NUP133: variants seen among roughly 807,000 people sequenced by gnomAD.
The protein encoded by NUP133 is nuclear pore complex protein Nup133.
In NUP133, 66 loss-of-function variants were observed where a neutral mutation model predicts 146.2. The ratio of observed to expected loss-of-function variants is 0.45; its 90% CI spans 0.37 to 0.55. The LOEUF is 0.55. Ranked by LOEUF, NUP133 falls within the 20% of genes least tolerant of loss-of-function variation. The probability of loss-of-function intolerance (pLI) is 0.00; values close to 1 mark genes in which losing one functional copy is unlikely to be tolerated. For synonymous variants in NUP133, 521 were observed against 498.8 expected, an observed-to-expected ratio of 1.04 and a Z score of -0.59; for missense variants, 1,277 against 1,374.8, an observed-to-expected ratio of 0.93 and a Z score of 1.12.
intron 21 of NUP133, among the ~76,000 whole-genome samples, chr1:229,453,804 G>A (rs1360913965): frequency 6.6e-6 from 1 of 152,200 alleles, no homozygotes; most frequent in African/African-American, 2.4e-5. Context: ...TGTGAGGTCT[G>A]TGTTTGTGTG....
intron 12 of NUP133, 36 bp from the exon 13 acceptor site, chr1:229,477,796 G>A (rs753742565): frequency 3.3e-6 from 5 of 1,519,246 alleles, no homozygotes; most frequent in Middle Eastern, 1.9e-4. Context: ...TATTAAGGGA[G>A]GCAAAATATT....
At chr1:229,465,254 T>TAAGAGCAAGGGACG (rs1263171835) in intron 17 of NUP133, among the ~76,000 whole-genome samples, 166 bp downstream of exon 17, 1 of 152,170 alleles carries the variant, frequency 6.6e-6, no homozygotes, top group East Asian at 1.9e-4. Flanking sequence ...GATCGATAAA[T>TAAGAGCAAGGGACG]AAGAGCAAGG....
intron 5 of NUP133, chr1:229,499,133 C>T: frequency 2.2e-6 from 1 of 464,910 alleles, no homozygotes. Context: ...CTCCTGGCCT[C>T]AGGCAATCCT....
rs150265669 is a variant in NUP133, at chr1:229,475,998, C to G, written c.1757-266G>C. On this transcript the variant is annotated intron_variant, in intron 13 of 25. Coordinates refer to ENST00000261396, the MANE Select transcript of NUP133 (RefSeq NM_018230.3). ...TGGCGCATGCCTGTAGTCCCAGCTA[C>G]TCAGGAGGCTGAGGCAAGAGAATTG... is the stretch of plus-strand genomic sequence containing the variant. Among the ~76,000 whole-genome samples the G allele has an allele frequency of 1.2e-3, 176 of 152,174 alleles. 1 individual carries two copies. The highest frequency in any genetic ancestry group is 4.1e-3 in the African/African-American group (171 of 41,508).
chr1:229,486,394 A>C lies in NUP133; in HGVS notation c.1477T>G (p.Ser493Ala). ...ACCTCACTGTTTGGTCCAGCAACTG[A>C]AGATGCTAAAGACCCTTCCAAGTCT... is the stretch of plus-strand genomic sequence containing the variant. ...AEDLEGSLASSVAGPNSESMI... is the reference protein window; with the variant it reads ...AEDLEGSLASAVAGPNSESMI... Residue 493 changes from serine to alanine, a missense_variant, in exon 11 of 26, where the codon TCA becomes GCA. Transcript: ENST00000261396. 1.3e-6 allele frequency: 2 copies of C among 1,591,392 alleles called. No homozygotes were observed. Among genetic ancestry groups the C allele is most frequent in the African/African-American group, 1.4e-5 (1 of 70,594 alleles).
At chr1:229,499,043 C>T in intron 5 of NUP133, 1 of 386,058 alleles carries the variant, frequency 2.6e-6, no homozygotes, top group East Asian at 7.2e-5. Context: ...GGACTACAGG[C>T]ACACACCACT....
chr1:229,461,181 A>G (rs1477093214), intron 19 of NUP133, among the ~76,000 whole-genome samples: 1 of 152,200 alleles, frequency 6.6e-6, no homozygotes, highest in African/African-American at 2.4e-5. Context: ...CTCCATTATC[A>G]CAGAAAGCTC....
At chr1:229,462,667 GC>G (rs1167644210) in intron 19 of NUP133, among the ~76,000 whole-genome samples, 3 of 151,802 alleles carry the variant, frequency 2.0e-5, no homozygotes, top group African/African-American at 2.4e-5. Context: ...AAACGATCCT[GC>G]CACCTTAGCC....
At chr1:229,473,109 G>A (rs1349995492) in intron 14 of NUP133, among the ~76,000 whole-genome samples, 4 of 151,898 alleles carry the variant, frequency 2.6e-5, no homozygotes, top group South Asian at 4.2e-4. Flanking sequence ...AAAATTAGCC[G>A]GGCGTGGTAG....
chr1:229,442,832 G>A lies in NUP133; in HGVS notation c.3335-792C>T, dbSNP rs985158428. Among the ~76,000 whole-genome samples, 7 of 150,596 alleles carry A rather than the reference G, an allele frequency of 4.6e-5. No individual in the cohort carries two copies. In the East Asian group the frequency reaches 9.9e-4, roughly 21 times the overall value. On this transcript the variant is annotated intron_variant, in intron 25 of 25. Coordinates refer to ENST00000261396, the MANE Select transcript of NUP133 (RefSeq NM_018230.3). ...GCGATTCTCCTGCCTCAGCCACCCC[G>A]GTAACTAGGATTACAGGTGCCCACC...
chr1:229,459,987 T>G (rs564442506), intron 20 of NUP133, among the ~76,000 whole-genome samples: 1 of 152,302 alleles, frequency 6.6e-6, no homozygotes, highest in East Asian at 1.9e-4. Context: ...CAAGAGTGCA[T>G]CAGGGTTCCC....
rs777786715 is a variant in NUP133 at position 229,477,557 on chromosome 1, A to G, written c.1756+40T>C. The G allele has an allele frequency of 3.3e-6, 5 of 1,501,704 alleles. No individual in the cohort carries two copies. The South Asian group carries it at 6.9e-5, about 21-fold the overall frequency. The allele number at this position is 1,501,704 out of a possible 1,614,324, so 93.0% of individuals were successfully genotyped here. On this transcript the variant is annotated intron_variant, in intron 13 of 25. Coordinates refer to ENST00000261396, the MANE Select transcript of NUP133 (RefSeq NM_018230.3). ...ATGCTTCTAATAAAGAAACCAGAAT[A>G]TGTTCAAAACACACCGTTCCATAAT...
intron 22 of NUP133, among the ~76,000 whole-genome samples, chr1:229,452,021 G>C (rs1362244904): frequency 6.6e-6 from 1 of 152,148 alleles, no homozygotes; most frequent in African/African-American, 2.4e-5. Flanking sequence ...CATATAGATA[G>C]AACACATTTA....
intron 22 of NUP133, among the ~76,000 whole-genome samples, chr1:229,451,827 T>G (rs777247529): frequency 4.6e-5 from 7 of 152,190 alleles, no homozygotes; most frequent in Non-Finnish European, 7.3e-5. Flanking sequence ...AATAATGCAT[T>G]AGAGTAAAAT....
chr1:229,441,056 G>A lies in NUP133; in HGVS notation c.*848C>T. 5.1e-6 allele frequency: 1 copy of A among 197,584 alleles called. No homozygotes were observed. The highest frequency in any genetic ancestry group is 9.4e-5 in the South Asian group (1 of 10,660). 12.2% of individuals were successfully genotyped at this position (197,584 alleles called of 1,614,324 possible). On this transcript the variant is annotated 3_prime_UTR_variant, in exon 26 of 26. Transcript: ENST00000261396. ...ATTGAGTGAGTGATGACACTGGTCA[G>A]GACAAAGCTCTGAGAGTACAGTACC...
chr1:229,478,356 A>C (rs1256164288), intron 12 of NUP133, among the ~76,000 whole-genome samples: 2 of 152,148 alleles, frequency 1.3e-5, no homozygotes, highest in Non-Finnish European at 2.9e-5. Flanking sequence ...AATAGTCCAG[A>C]CAATTGAGCA....
intron 6 of NUP133, among the ~76,000 whole-genome samples, chr1:229,496,878 T>C (rs774617154): frequency 2.0e-5 from 3 of 151,580 alleles, no homozygotes; most frequent in African/African-American, 4.8e-5. Flanking sequence ...GCAGAGAGTG[T>C]TGAATGTGAA....
At chr1:229,499,166 G>C (rs1166230682) in intron 5 of NUP133, 1 of 469,510 alleles carries the variant, frequency 2.1e-6, no homozygotes, top group Non-Finnish European at 4.4e-6. Flanking sequence ...ATTCAAAGTG[G>C]TGAGACTGCA....
chr1:229,470,724 G>A lies in NUP133; in HGVS notation c.1932C>T (p.Ala644=), dbSNP rs374819603. Residue 644 remains alanine (A), a synonymous_variant, in exon 15 of 26, where the codon GCC becomes GCT. Transcript: ENST00000261396. ...MATRLLLCEH[A]EKLSAAIVLK... ...GAACAATGGCGGCTGACAGCTTTTCGGCATGCTCACAGAGCAACAGTCGAG... is the reference window on the plus strand; with the variant it reads ...GAACAATGGCGGCTGACAGCTTTTCAGCATGCTCACAGAGCAACAGTCGAG... 39 of 1,614,152 alleles carry A rather than the reference G, an allele frequency of 2.4e-5. No homozygotes were observed. The African/African-American group carries it at 3.1e-4, about 13-fold the overall frequency.
Sources: allele counts gnomAD v4.1 joint callset (sites outside exome capture counted in the v4.1 genomes callset), GRCh38; gene constraint gnomAD v4.1.1; transcripts MANE v1.5; gene names NCBI Gene and HGNC (gene_info 2026-07-23, HGNC 2026-07-21).